Variants in PATL2 observed in about 807,000 individuals in gnomAD.
PATL2 encodes PAT1 homolog 2, also known as protein PAT1 homolog 2.
Under a neutral mutation model 77.0 loss-of-function variants are expected in PATL2, and 73 were observed. The ratio of observed to expected loss-of-function variants is 0.95; its 90% CI spans 0.78 to 1.15. The LOEUF is 1.15. PATL2 is among the 50% of genes most tolerant of loss of function. The pLI, the probability that PATL2 is intolerant of heterozygous loss-of-function variation, is 0.00. For synonymous variants in PATL2, 265 were observed against 257.1 expected, an observed-to-expected ratio of 1.03 and a Z score of -0.29; for missense variants, 618 against 655.4, an observed-to-expected ratio of 0.94 and a Z score of 0.62.
chr15:44,690,771 G>C (rs568189674), intron 3 of PATL2, among the ~76,000 whole-genome samples: 7 of 152,190 alleles, frequency 4.6e-5, no homozygotes, highest in Admixed American at 1.3e-4. Flanking sequence ...GATCTTTTTA[G>C]CAATAGCTTC....
chr15:44,702,353 T>C (rs1486892902), intron 3 of PATL2, among the ~76,000 whole-genome samples: 1 of 149,928 alleles, frequency 6.7e-6, no homozygotes, highest in Non-Finnish European at 1.5e-5. Flanking sequence ...TCATCTCTGA[T>C]TTTATTTATA....
At chr15:44,683,291 G>A (rs2086175807) in intron 3 of PATL2, among the ~76,000 whole-genome samples, 1 of 152,084 alleles carries the variant, frequency 6.6e-6, no homozygotes, top group South Asian at 2.1e-4. Context: ...AAGTGGTCTA[G>A]CTCAGTGGAT....
intron 6 of PATL2, among the ~76,000 whole-genome samples, chr15:44,673,706 C>T (rs148522191): frequency 3.3e-5 from 5 of 151,606 alleles, no homozygotes; most frequent in Non-Finnish European, 5.9e-5. Flanking sequence ...GGGCAGTACT[C>T]ATCTGTCTTT....
intron 3 of PATL2, among the ~76,000 whole-genome samples, chr15:44,680,081 G>A (rs1285164709): frequency 1.3e-5 from 2 of 152,128 alleles, no homozygotes; most frequent in African/African-American, 2.4e-5. Context: ...CTGAGGTCTG[G>A]GGGTGGGAAA....
At chr15:44,700,134 G>A (rs1753112579) in intron 3 of PATL2, among the ~76,000 whole-genome samples, 2 of 151,974 alleles carry the variant, frequency 1.3e-5, no homozygotes, top group Admixed American at 1.3e-4. Flanking sequence ...CATGAACATG[G>A]AATATCTTTC....
intron 3 of PATL2, among the ~76,000 whole-genome samples, chr15:44,686,954 C>A (rs962423675): frequency 2.3e-4 from 35 of 152,180 alleles, no homozygotes; most frequent in African/African-American, 8.2e-4. Context: ...GATGGACTCA[C>A]AGCTGAATTC....
chr15:44,672,335 G>T (rs1231658032), intron 8 of PATL2, 53 bp downstream of exon 8: 1 of 1,535,494 alleles, frequency 6.5e-7, no homozygotes, highest in Non-Finnish European at 8.8e-7. Flanking sequence ...CACAAGGGGA[G>T]ACCCGGCATG....
Position 44,676,468 on chromosome 15 carries a change from T to C in PATL2, c.16+7A>G. ...TTTATATAACATCACGGCCCACTTG[T>C]TGATACCTTCAAGGCAATTCATCTT... On this transcript the variant is annotated splice_region_variant and intron_variant, in intron 4 of 17. Coordinates refer to ENST00000682850, the MANE Select transcript of PATL2 (RefSeq NM_001387263.1). 6.5e-7 allele frequency: 1 copy of C among 1,549,712 alleles called. No individual in the cohort carries two copies.
chr15:44,677,717 G>A (rs780354614), intron 3 of PATL2, among the ~76,000 whole-genome samples: 2 of 152,158 alleles, frequency 1.3e-5, no homozygotes, highest in Non-Finnish European at 2.9e-5. Flanking sequence ...GGACCCTCTT[G>A]TCATGGTGAT....
At chr15:44,668,031 A>G (rs1017019480) in intron 15 of PATL2, among the ~76,000 whole-genome samples, 1 of 152,210 alleles carries the variant, frequency 6.6e-6, no homozygotes, top group Non-Finnish European at 1.5e-5. Context: ...TGTGGTTTAG[A>G]ATATTTTTTT....
Position 44,668,345 on chromosome 15 carries a change from A to G in PATL2, c.1362T>C (p.Asn454=). 6.4e-7 allele frequency: 1 copy of G among 1,550,540 alleles called. No individual in the cohort carries two copies. Among genetic ancestry groups the G allele is most frequent in the Non-Finnish European group, 8.7e-7 (1 of 1,146,844 alleles). The change falls in exon 15 of 18, where the codon AAT becomes AAC. Residue 454 remains asparagine (N), a synonymous_variant. Coordinates refer to ENST00000682850, the MANE Select transcript of PATL2 (RefSeq NM_001387263.1). The part of the protein sequence containing the change: ...SERPVTVVLQ[N]QFGISLLYAL... ...AAAAGCCTCCTAGACATGTTACCTG[A>G]TTCTGAAGCACCACGGTGACTGGCC...
At chr15:44,682,091 A>T (rs1018845452) in intron 3 of PATL2, among the ~76,000 whole-genome samples, 1 of 152,176 alleles carries the variant, frequency 6.6e-6, no homozygotes, top group African/African-American at 2.4e-5. Context: ...TGTCTTTCCA[A>T]TGATATTGAA....
At chr15:44,691,964 T>G (rs1388460789) in intron 3 of PATL2, among the ~76,000 whole-genome samples, 1 of 152,128 alleles carries the variant, frequency 6.6e-6, no homozygotes, top group Non-Finnish European at 1.5e-5. Context: ...GTAGCCTGAA[T>G]TATAATAGGG....
chr15:44,711,283 G>A lies in PATL2; in HGVS notation c.-517C>T, dbSNP rs566141842. ...ATGAGCGCCCGGTGTCCCAAGCTGG[G>A]GCGCGCACCCCAGATCGGAGGGCGC... On this transcript the variant is annotated 5_prime_UTR_variant, in exon 1 of 18. Coordinates refer to ENST00000682850, the MANE Select transcript of PATL2 (RefSeq NM_001387263.1). The A allele has an allele frequency of 1.7e-6, 1 of 591,000 alleles. No homozygotes were observed. The highest frequency in any genetic ancestry group is 1.9e-5 in the African/African-American group (1 of 53,868). 36.6% of individuals were successfully genotyped at this position (591,000 alleles called of 1,614,324 possible).
Position 44,711,244 on chromosome 15 carries a change from C to T in PATL2, c.-478G>A. Reference sequence around the variant, plus strand: ...GGGGGCAGCCTTAATGTGCCTCCAGCCTGAAGTCCTAGAATGAGCGCCCGG... The same window carrying T: ...GGGGGCAGCCTTAATGTGCCTCCAGTCTGAAGTCCTAGAATGAGCGCCCGG... On this transcript the variant is annotated 5_prime_UTR_variant, in exon 1 of 18. Transcript: ENST00000682850. 3.6e-6 allele frequency: 2 copies of T among 554,512 alleles called. No homozygotes were observed. The highest frequency in any genetic ancestry group is 6.5e-6 in the Non-Finnish European group (2 of 307,624). 34.3% of individuals were successfully genotyped at this position (554,512 alleles called of 1,614,324 possible). A position where few individuals can be genotyped will look rare whatever the true frequency, so the allele number is the denominator to read the frequency against.
At chr15:44,696,476 A>G (rs182811336) in intron 3 of PATL2, among the ~76,000 whole-genome samples, 213 of 152,266 alleles carry the variant, frequency 1.4e-3, no homozygotes, top group South Asian at 3.9e-3. Flanking sequence ...TTTCTGTACT[A>G]CTTGATTTTT....
intron 3 of PATL2, among the ~76,000 whole-genome samples, chr15:44,698,749 G>A (rs559092356): frequency 7.2e-5 from 11 of 152,218 alleles, no homozygotes; most frequent in South Asian, 2.1e-4. Flanking sequence ...TTTCTTTTGC[G>A]TATATACCCA....
intron 3 of PATL2, among the ~76,000 whole-genome samples, chr15:44,706,371 A>G (rs796586671): frequency 6.6e-6 from 1 of 152,228 alleles, no homozygotes; most frequent in Non-Finnish European, 1.5e-5. Flanking sequence ...TCTGCATTAG[A>G]GGGCACACCA....
In PATL2 at chr15:44,669,307, A is replaced by C; in HGVS notation, c.1037T>G (p.Leu346Ter). The C allele has an allele frequency of 1.3e-6, 2 of 1,551,330 alleles. No individual in the cohort carries two copies. Among genetic ancestry groups the C allele is most frequent in the Non-Finnish European group, 1.7e-6 (2 of 1,146,754 alleles). ...CAGGTTGTTCTGCTCCTGGGTCTTT[A>C]AGGTCTGGAAGAGCTTCTCAACCTG... The part of the protein sequence containing the change: ...SNQVEKLFQT[L>*]KTQEQNNLEE... Residue 346 changes from leucine (L) to a stop codon, truncating the protein, a stop_gained, in exon 13 of 18, where the codon TTA becomes TGA. Transcript: ENST00000682850. LOFTEE classifies it high-confidence loss of function.
Sources: gnomAD v4.1 joint callset for allele counts (sites outside exome capture counted in the v4.1 genomes callset) on GRCh38, gnomAD v4.1.1 for gene constraint, MANE v1.5 for transcripts, NCBI Gene and HGNC (gene_info 2026-07-23, HGNC 2026-07-21) for gene names.